NT5DC3: variants seen among roughly 807,000 people sequenced by gnomAD.
NT5DC3 encodes 5'-nucleotidase domain containing 3.
In NT5DC3, 42 loss-of-function variants were observed where a neutral mutation model predicts 67.8. The ratio of observed to expected loss-of-function variants is 0.62; its 90% CI spans 0.48 to 0.80. The LOEUF (loss-of-function observed/expected upper bound fraction) is 0.80, where lower values mean the gene tolerates loss of function less well. Ranked by LOEUF, NT5DC3 falls within the 30% of genes least tolerant of loss-of-function variation. The probability of loss-of-function intolerance (pLI) is 0.00; values close to 1 mark genes in which losing one functional copy is unlikely to be tolerated. For missense variants in NT5DC3, 570 were observed against 696.4 expected, an observed-to-expected ratio of 0.82 and a Z score of 2.04; for synonymous variants, 237 against 255.6, an observed-to-expected ratio of 0.93 and a Z score of 0.69.
chr12:103,814,962 C>T lies in NT5DC3; in HGVS notation c.368G>A (p.Arg123Gln), dbSNP rs757748765. 4.3e-6 allele frequency: 7 copies of T among 1,611,026 alleles called. No individual in the cohort carries two copies. Among genetic ancestry groups the T allele is most frequent in the Admixed American group, 3.4e-5 (2 of 59,632 alleles). The change falls in exon 2 of 14, where the codon CGG becomes CAG. Residue 123 changes from arginine (R) to glutamine (Q), a missense_variant. Arg to Gln is a conservative substitution (Grantham distance 43). Around this residue, in one of 2 missense-constraint regions of NT5DC3, gnomAD observed 466 missense variants for 608.0 expected, o/e 0.77. Transcript: ENST00000392876. Reference protein sequence around the residue: ...HLHTLIFNAARDLLINEHRYP... With the variant: ...HLHTLIFNAAQDLLINEHRYP... Reference sequence around the variant, plus strand: ...CCGGTGTTCATTGATGAGAAGGTCCCGTGCAGCATTAAATATCAGCGTGTG... The same window carrying T: ...CCGGTGTTCATTGATGAGAAGGTCCTGTGCAGCATTAAATATCAGCGTGTG...
chr12:103,749,841 CAAAAAAAAAAAAA>C, the NT5DC3 span, among the ~76,000 whole-genome samples: 5 of 51,150 alleles, frequency 9.8e-5, no homozygotes, highest in East Asian at 6.3e-4. Flanking sequence ...CTCTGTCTCA[CAAAAAAAAAAAAA>C]AAAAAAAAAA....
At chr12:103,838,975 T>C (rs1158038151) in intron 1 of NT5DC3, among the ~76,000 whole-genome samples, 4 of 151,984 alleles carry the variant, frequency 2.6e-5, no homozygotes, top group Non-Finnish European at 5.9e-5. Context: ...ATGGGGGAGA[T>C]GGGTGGGGCT....
chr12:103,819,490 G>T (rs949671259), intron 1 of NT5DC3: 1 of 152,232 alleles, frequency 6.6e-6, no homozygotes, highest in Non-Finnish European at 1.5e-5. Flanking sequence ...GATGATGACA[G>T]CAAGACTATA....
At chr12:103,763,708 C>A in the NT5DC3 span, 1 of 1,128,344 alleles carries the variant, frequency 8.9e-7, no homozygotes, top group Non-Finnish European at 1.3e-6. Flanking sequence ...AAAGAAGGTT[C>A]ATTTCTAGAA....
the NT5DC3 span, among the ~76,000 whole-genome samples, chr12:103,762,687 G>T: frequency 6.6e-6 from 1 of 152,218 alleles, no homozygotes; most frequent in African/African-American, 2.4e-5. Context: ...TGGCCTGGAG[G>T]CACATTCACT....
At chr12:103,760,488 T>C in the NT5DC3 span, among the ~76,000 whole-genome samples, 1 of 152,202 alleles carries the variant, frequency 6.6e-6, no homozygotes, top group South Asian at 2.1e-4. Context: ...CTTGAACTCC[T>C]GGCTTCAAGT....
the NT5DC3 span, among the ~76,000 whole-genome samples, chr12:103,748,736 G>A: frequency 6.6e-6 from 1 of 151,914 alleles, no homozygotes; most frequent in Non-Finnish European, 1.5e-5. Context: ...GACAAAGGGG[G>A]CAGAAGCGGA....
At chr12:103,769,298 C>A (rs1184650782), downstream of NT5DC3, among the ~76,000 whole-genome samples, 1 of 152,214 alleles carries the variant, frequency 6.6e-6, no homozygotes, top group East Asian at 1.9e-4. Context: ...TTATTTTGCA[C>A]TGTAGCCTGT....
chr12:103,792,483 T>C (rs1886108797), intron 9 of NT5DC3, among the ~76,000 whole-genome samples: 1 of 152,210 alleles, frequency 6.6e-6, no homozygotes, highest in Non-Finnish European at 1.5e-5. Context: ...AAGTAATTTT[T>C]TTAGAACCCT....
chr12:103,764,239 C>T, the NT5DC3 span, among the ~76,000 whole-genome samples: 20 of 152,346 alleles, frequency 1.3e-4, no homozygotes, highest in Non-Finnish European at 2.8e-4. Context: ...AGGCGTGAGC[C>T]ACTGCATCTG....
intron 1 of NT5DC3, among the ~76,000 whole-genome samples, chr12:103,838,600 G>T (rs920153782): frequency 6.6e-6 from 1 of 152,326 alleles, no homozygotes; most frequent in Middle Eastern, 3.4e-3. Context: ...AAATGAAAAT[G>T]TATGTTCACA....
chr12:103,749,436 A>G, the NT5DC3 span, among the ~76,000 whole-genome samples: 1 of 152,164 alleles, frequency 6.6e-6, no homozygotes, highest in Non-Finnish European at 1.5e-5. Flanking sequence ...TGCTATAGTT[A>G]TGTTGGACAT....
Position 103,777,604 on chromosome 12 carries a change from C to G in NT5DC3, c.*225G>C. ...AAACAAAAAGGCAAAATCAGAGTTC[C>G]AATGTGAAGCTTGCCTTTCAGCCCT... On this transcript the variant is annotated 3_prime_UTR_variant, in exon 14 of 14. Coordinates refer to ENST00000392876, the MANE Select transcript of NT5DC3 (RefSeq NM_001031701.3). 1 of 552,582 alleles carries G rather than the reference C, an allele frequency of 1.8e-6. No homozygotes were observed. The highest frequency in any genetic ancestry group is 3.1e-6 in the Non-Finnish European group (1 of 320,492). 34.2% of individuals were successfully genotyped at this position (552,582 alleles called of 1,614,324 possible).
At chr12:103,758,008 C>T in the NT5DC3 span, 1 of 1,035,940 alleles carries the variant, frequency 9.7e-7, no homozygotes, top group South Asian at 1.6e-5. Context: ...AGTCCTCAAA[C>T]TCTCCCACGG....
rs1055236257 is a variant in NT5DC3 at position 103,804,021 on chromosome 12, T to A, written c.524+2301A>T. On this transcript the variant is annotated intron_variant, in intron 4 of 13. Coordinates refer to ENST00000392876, the MANE Select transcript of NT5DC3 (RefSeq NM_001031701.3). ...TGCTGTGTGACCTTGGGCAAGTTAC[T>A]TAACACCTCTGGCACTAATAATAGT... Among the ~76,000 whole-genome samples, 6 of 152,096 alleles carry A rather than the reference T, an allele frequency of 3.9e-5. 1 individual carries two copies. Among genetic ancestry groups the A allele is most frequent in the Non-Finnish European group, 5.9e-5 (4 of 68,016 alleles).
At chr12:103,807,854 A>T (rs1199115557) in intron 2 of NT5DC3, among the ~76,000 whole-genome samples, 1 of 152,138 alleles carries the variant, frequency 6.6e-6, no homozygotes, top group Non-Finnish European at 1.5e-5. Context: ...GCCTGCTGCC[A>T]ATGTAAGATG....
chr12:103,755,666 G>T, the NT5DC3 span: 2 of 1,614,118 alleles, frequency 1.2e-6, no homozygotes, highest in Non-Finnish European at 1.7e-6. Context: ...TCATGCAGTG[G>T]GAACCTGCTG....
the NT5DC3 span, among the ~76,000 whole-genome samples, chr12:103,757,329 T>G: frequency 6.6e-6 from 1 of 152,072 alleles, no homozygotes; most frequent in African/African-American, 2.4e-5. Flanking sequence ...CTCAAGCTGC[T>G]CTCTCACCTC....
the NT5DC3 span, among the ~76,000 whole-genome samples, chr12:103,757,009 A>AT: frequency 3.2e-5 from 1 of 31,684 alleles, no homozygotes; most frequent in Non-Finnish European, 7.3e-5. Context: ...ATATATATAT[A>AT]TATATATATA....
Sources: gnomAD v4.1 joint callset for allele counts (sites outside exome capture counted in the v4.1 genomes callset) on GRCh38, gnomAD v4.1.1 for gene constraint, gnomAD v4.1.1 regional missense constraint, MANE v1.5 for transcripts, NCBI Gene and HGNC (gene_info 2026-07-23, HGNC 2026-07-21) for gene names.